CPSF1: variants seen among roughly 807,000 people sequenced by gnomAD.
CPSF1 encodes cleavage and polyadenylation specificity factor subunit 1.
In CPSF1, 106 loss-of-function variants were observed where a neutral mutation model predicts 175.8. That is an observed-to-expected ratio of 0.60 (90% CI 0.52 to 0.71). The LOEUF (loss-of-function observed/expected upper bound fraction) is 0.71. Ranked by LOEUF, CPSF1 falls within the 30% of genes least tolerant of loss-of-function variation. The pLI is 0.00. For synonymous variants in CPSF1, 1,024 were observed against 858.3 expected (o/e 1.19, Z -3.37); for missense variants, 1,734 against 2,022.9 (o/e 0.86, Z 2.74).
intron 2 of CPSF1, among the ~76,000 whole-genome samples, chr8:144,405,492 C>T (rs1361822806): frequency 2.0e-5 from 3 of 152,156 alleles, no homozygotes; most frequent in African/African-American, 7.2e-5. Context: ...GGTGTGGTGG[C>T]AGGCGCCTGT....
Position 144,395,464 on chromosome 8 carries a change from G to A in CPSF1, c.3067C>T (p.His1023Tyr). 1 of 1,613,068 alleles carries A rather than the reference G, an allele frequency of 6.2e-7. No homozygotes were observed. The highest frequency in any genetic ancestry group is 1.3e-5 in the African/African-American group (1 of 75,032). The change falls in exon 27 of 38, where the codon CAC (histidine) becomes TAC (tyrosine). Residue 1023 changes from histidine to tyrosine, a missense_variant. Physicochemically the swap from His to Tyr is moderately conservative, Grantham distance 83 (BLOSUM62 2). This residue lies in a region of CPSF1 where 585 missense variants were observed against 584.7 expected (regional missense o/e 1.00). Coordinates refer to ENST00000616140, the MANE Select transcript of CPSF1 (RefSeq NM_013291.3). Reference sequence around the variant, plus strand: ...GACTCCACGTGGTAAGCCACATAGTGGGCCGTGCAGCGCAGCGGGATCTTC... The same window carrying A: ...GACTCCACGTGGTAAGCCACATAGTAGGCCGTGCAGCGCAGCGGGATCTTC... The part of the protein sequence containing the change: ...VRKIPLRCTA[H>Y]YVAYHVESKV...
Position 144,396,495 on chromosome 8 carries a change from G to T in CPSF1, c.2832C>A (p.Phe944Leu), listed in dbSNP as rs1820746074. 3 of 1,611,220 alleles carry T rather than the reference G, an allele frequency of 1.9e-6. No homozygotes were observed. Among genetic ancestry groups the T allele is most frequent in the Non-Finnish European group, 2.5e-6 (3 of 1,179,224 alleles). ...GCCAGTGAGGGGAGGGGCCGCAGAT[G>T]AAGACCTGGGGGCAGGCACCGTGAG... is the stretch of plus-strand genomic sequence containing the variant. ...FEDIYGYSGV[F>L]ICGPSPHWLL... Residue 944 changes from phenylalanine (F) to leucine (L), a missense_variant, in exon 26 of 38, where the codon TTC becomes TTA. Coordinates refer to ENST00000616140, the MANE Select transcript of CPSF1 (RefSeq NM_013291.3).
rs1554865217 is a variant in CPSF1 at position 144,398,828 on chromosome 8, G to A, written c.1589C>T (p.Pro530Leu). ...GACTGTCCACATGTCATAGCAGCCG[G>A]GAAGCTCAAAGGTTGTCACCACCTG... ...RPQVVTTFEL[P>L]GCYDMWTVIA... Residue 530 changes from proline to leucine, a missense_variant, in exon 17 of 38, where the codon CCC becomes CTC. This residue lies in a region of CPSF1 where 280 missense variants were observed against 349.2 expected (regional missense o/e 0.80). Coordinates refer to ENST00000616140, the MANE Select transcript of CPSF1 (RefSeq NM_013291.3). The A allele has an allele frequency of 1.9e-6, 3 of 1,609,266 alleles. No homozygotes were observed. Among genetic ancestry groups the A allele is most frequent in the Non-Finnish European group, 2.5e-6 (3 of 1,176,750 alleles).
intron 19 of CPSF1, 54 bp from the exon 20 acceptor site, chr8:144,398,186 T>G: frequency 2.2e-6 from 2 of 920,250 alleles, no homozygotes. Context: ...CCCACCCACC[T>G]ACCTCCTTCC....
intron 9 of CPSF1, 26 bp downstream of exon 9, chr8:144,400,140 C>CCT (rs1163470379): frequency 2.4e-6 from 3 of 1,242,182 alleles, no homozygotes; most frequent in East Asian, 2.6e-5. Context: ...CCCGGGCCCC[C>CCT]CCCGCCCCAG....
chr8:144,397,775 GCCACTGCGGCCC>G lies in CPSF1; in HGVS notation c.2166_2177del (p.Gly723_Gly726del). The G allele has an allele frequency of 6.2e-7, 1 of 1,609,664 alleles. No homozygotes were observed. The highest frequency in any genetic ancestry group is 8.5e-7 in the Non-Finnish European group (1 of 1,178,320). On this transcript the variant is annotated inframe_deletion, in exon 21 of 38. Transcript: ENST00000616140. ...CTGAGCCCAGGCCCTCGGCCTCCGG[GCCACTGCGGCCC>G]CCGAGCTCGTCACGGGCCCCACCCA...
chr8:144,400,135 G>GGGGGGGCCGCGCCC, intron 9 of CPSF1, 31 bp downstream of exon 9: 1 of 896,012 alleles, frequency 1.1e-6, no homozygotes, highest in Non-Finnish European at 1.6e-6. Flanking sequence ...CCGTCCCCGG[G>GGGGGGGCCGCGCCC]CCCCCCCCGC....
chr8:144,409,057 C>G lies in CPSF1; in HGVS notation c.102G>C (p.Gly34=). The change falls in exon 2 of 38, where the codon GGG becomes GGC. Residue 34 remains glycine, a synonymous_variant. Transcript: ENST00000616140. Reference sequence around the variant, plus strand: ...GGCGGTACACGTAGAGCTGCGAGGTCCCGGCCACTACCAGGTTGCGCTCGC... The same window carrying G: ...GGCGGTACACGTAGAGCTGCGAGGTGCCGGCCACTACCAGGTTGCGCTCGC... ...NNSERNLVVA[G]TSQLYVYRLN... 1 of 1,613,782 alleles carries G rather than the reference C, an allele frequency of 6.2e-7. No homozygotes were observed. The highest frequency in any genetic ancestry group is 8.5e-7 in the Non-Finnish European group (1 of 1,179,912).
At chr8:144,409,222 C>G (rs1821664127) in intron 1 of CPSF1, 50 bp from the exon 2 acceptor site, 1 of 1,422,326 alleles carries the variant, frequency 7.0e-7, no homozygotes, top group Middle Eastern at 2.1e-4. Flanking sequence ...CACGCAGGAG[C>G]CCGGCCCCGC....
rs1432975385 is a variant in CPSF1, at chr8:144,393,407, G to A, written c.4285-42C>T. ...GGTGGGTGGGTGGGTGGGTGGGGAT[G>A]CACACGGAGGGGCGGGGCGCGCGGG... On this transcript the variant is annotated intron_variant, in intron 37 of 37. Transcript: ENST00000616140. 14 of 863,546 alleles carry A rather than the reference G, an allele frequency of 1.6e-5. No homozygotes were observed. In the African/African-American group the frequency reaches 2.5e-4, roughly 15 times the overall value. The allele number at this position is 863,546 out of a possible 1,614,324, so 53.5% of individuals were successfully genotyped here. A position where few individuals can be genotyped will look rare whatever the true frequency, so the allele number is the denominator to read the frequency against.
chr8:144,399,880 G>A lies in CPSF1; in HGVS notation c.1032-12C>T, dbSNP rs1821054200. ...GGGTCAGCACGTAGCTGGGGGCAGGGAGAATTCTGAGTCGGGGATGGGGAC... is the reference window on the plus strand; with the variant it reads ...GGGTCAGCACGTAGCTGGGGGCAGGAAGAATTCTGAGTCGGGGATGGGGAC... On this transcript the variant is annotated splice_polypyrimidine_tract_variant and intron_variant, in intron 10 of 37. Coordinates refer to ENST00000616140, the MANE Select transcript of CPSF1 (RefSeq NM_013291.3). The surrounding 1 kb of genome is among the most constrained non-coding windows in gnomAD (Gnocchi z 6.4). 1.3e-6 allele frequency: 2 copies of A among 1,555,040 alleles called. No individual in the cohort carries two copies. The highest frequency in any genetic ancestry group is 1.7e-6 in the Non-Finnish European group (2 of 1,149,840).
In CPSF1 at chr8:144,400,173, G is replaced by A; in HGVS notation, c.930C>T (p.Phe310=). The part of the protein sequence containing the change: ...LNSLTTGTTA[F]PLRTQEGVRI... ...CAGCCACCCCACACTCACGAAGCGG[G>A]AAAGCCGTGGTTCCTGTGGTGAGGC... The change falls in exon 9 of 38, where the codon TTC becomes TTT. Residue 310 remains phenylalanine (F), a synonymous_variant. Coordinates refer to ENST00000616140, the MANE Select transcript of CPSF1 (RefSeq NM_013291.3). The A allele has an allele frequency of 3.9e-6, 5 of 1,287,660 alleles. No individual in the cohort carries two copies. The highest frequency in any genetic ancestry group is 5.2e-6 in the Non-Finnish European group (5 of 955,082). 79.8% of individuals were successfully genotyped at this position (1,287,660 alleles called of 1,614,324 possible).
chr8:144,402,364 G>A (rs2130776469), intron 2 of CPSF1, among the ~76,000 whole-genome samples: 1 of 152,244 alleles, frequency 6.6e-6, no homozygotes, highest in African/African-American at 2.4e-5. Context: ...CTGAAGTGCA[G>A]TGGCGTGATC....
chr8:144,400,573 C>T, intron 7 of CPSF1, 80 bp from the exon 8 acceptor site: 1 of 1,606,744 alleles, frequency 6.2e-7, no homozygotes, highest in African/African-American at 1.3e-5. Context: ...CAAGCCCCAC[C>T]ACACCCCATA....
rs151205306 is a variant in CPSF1 at position 144,394,757 on chromosome 8, C to G, written c.3454G>C (p.Gly1152Arg). ...MDVIEVVPEP[G>R]QPLTKNKFKV... Reference sequence around the variant, plus strand: ...AACTTGTTCTTGGTCAAGGGCTGGCCAGGCTCGGGCACCACCTCAATCACA... The same window carrying G: ...AACTTGTTCTTGGTCAAGGGCTGGCGAGGCTCGGGCACCACCTCAATCACA... The change falls in exon 31 of 38, where the codon GGC becomes CGC. Residue 1152 changes from glycine (G) to arginine (R), a missense_variant. Transcript: ENST00000616140. 1.2e-6 allele frequency: 2 copies of G among 1,613,642 alleles called. No homozygotes were observed. The highest frequency in any genetic ancestry group is 1.7e-6 in the Non-Finnish European group (2 of 1,179,978).
At position 144,398,766 on chromosome 8, in the gene CPSF1, G is replaced by A. The variant is rs2116854512; in HGVS notation, c.1638+13C>T. ...CCCATCCCAGGGCCTCCCTGCAGCA[G>A]GCTCGCACCTACCTCCTCCTTACGC... On this transcript the variant is annotated intron_variant, in intron 17 of 37. Transcript: ENST00000616140. 19 of 1,592,476 alleles carry A rather than the reference G, an allele frequency of 1.2e-5. No individual in the cohort carries two copies. The highest frequency in any genetic ancestry group is 1.4e-5 in the Non-Finnish European group (16 of 1,166,170).
At chr8:144,402,989 T>A (rs1476041869) in intron 2 of CPSF1, among the ~76,000 whole-genome samples, 1 of 152,110 alleles carries the variant, frequency 6.6e-6, no homozygotes, top group Admixed American at 6.5e-5. Flanking sequence ...AAACTTACCA[T>A]GCTGTCAAAA....
chr8:144,400,135 G>GGGCCCCCCCCCCCCCCCCCCCCC, intron 9 of CPSF1, 31 bp downstream of exon 9: 68 of 895,922 alleles, frequency 7.6e-5, no homozygotes, highest in Non-Finnish European at 9.8e-5. Context: ...CCGTCCCCGG[G>GGGCCCCCCCCCCCCCCCCCCCCC]CCCCCCCCGC....
chr8:144,395,567 A>C lies in CPSF1; in HGVS notation c.2980-16T>G. The C allele has an allele frequency of 3.7e-6, 1 of 273,866 alleles. No homozygotes were observed. The highest frequency in any genetic ancestry group is 7.3e-6 in the Non-Finnish European group (1 of 137,432). 17.0% of individuals were successfully genotyped at this position (273,866 alleles called of 1,614,324 possible). A position where few individuals can be genotyped will look rare whatever the true frequency, so the allele number is the denominator to read the frequency against. Reference sequence around the variant, plus strand: ...TCAGCTCGCCCTGGGGTGGGGGCACAGGGGTCAGGGGATCCAGGGCTAGCC... The same window carrying C: ...TCAGCTCGCCCTGGGGTGGGGGCACCGGGGTCAGGGGATCCAGGGCTAGCC... On this transcript the variant is annotated splice_polypyrimidine_tract_variant and intron_variant, in intron 26 of 37. Transcript: ENST00000616140.
Sources: gnomAD v4.1 joint callset for allele counts (sites outside exome capture counted in the v4.1 genomes callset) on GRCh38, gnomAD v4.1.1 for gene constraint, gnomAD v4.1.1 regional missense constraint, Gnocchi (gnomAD v3.1) non-coding constraint, MANE v1.5 for transcripts, NCBI Gene and HGNC (gene_info 2026-07-23, HGNC 2026-07-21) for gene names.